JHY: variants seen among roughly 807,000 people sequenced by gnomAD.
JHY encodes junctional cadherin complex regulator.
JHY carries 69 observed loss-of-function variants against 78.0 expected under a neutral mutation model. The ratio of observed to expected loss-of-function variants is 0.88; its 90% confidence interval spans 0.73 to 1.08. JHY has a LOEUF of 1.08. Among genes scored for constraint, JHY ranks in the 50% least tolerant of loss-of-function variants. The pLI is 0.00. For missense variants in JHY, 944 were observed against 927.8 expected (o/e 1.02, Z -0.23); for synonymous variants, 368 against 342.6 (o/e 1.07, Z -0.82).
At chr11:122,949,307 C>T (rs975948999) in intron 6 of JHY, among the ~76,000 whole-genome samples, 21 of 151,896 alleles carry the variant, frequency 1.4e-4, no homozygotes, top group Admixed American at 4.6e-4. Flanking sequence ...TTGTGTAGGA[C>T]GGGGGGATCA....
intron 5 of JHY, among the ~76,000 whole-genome samples, chr11:122,944,125 A>G (rs192195129): frequency 1.6e-3 from 243 of 152,302 alleles, no homozygotes; most frequent in African/African-American, 5.7e-3. Flanking sequence ...TGAGCCCGTA[A>G]GTCAGAGGTT....
At chr11:122,915,419 C>G (rs1863214029) in intron 3 of JHY, among the ~76,000 whole-genome samples, 1 of 152,184 alleles carries the variant, frequency 6.6e-6, no homozygotes, top group African/African-American at 2.4e-5. Context: ...AGAAAAGGTG[C>G]CTGACTGTCC....
chr11:122,911,568 A>G (rs1421085596), intron 3 of JHY, among the ~76,000 whole-genome samples: 1 of 152,208 alleles, frequency 6.6e-6, no homozygotes, highest in Non-Finnish European at 1.5e-5. Context: ...AAATAATTTC[A>G]GATACTGATA....
At chr11:122,946,105 T>G (rs1317905142) in intron 5 of JHY, among the ~76,000 whole-genome samples, 1 of 152,218 alleles carries the variant, frequency 6.6e-6, no homozygotes. Context: ...AAAATCTGCT[T>G]TGGTTTTTAT....
chr11:122,903,635 C>T (rs1862909715), intron 2 of JHY, among the ~76,000 whole-genome samples: 2 of 152,046 alleles, frequency 1.3e-5, no homozygotes, highest in African/African-American at 4.8e-5. Flanking sequence ...CGACACCATA[C>T]CCAGCTAATT....
At chr11:122,943,624 T>C (rs984495283) in intron 5 of JHY, among the ~76,000 whole-genome samples, 2 of 152,328 alleles carry the variant, frequency 1.3e-5, no homozygotes, top group Non-Finnish European at 2.9e-5. Context: ...TTTGAACTTA[T>C]GTTATTAGGG....
At chr11:122,920,063 A>G (rs1345095306) in intron 3 of JHY, among the ~76,000 whole-genome samples, 1 of 152,198 alleles carries the variant, frequency 6.6e-6, no homozygotes, top group East Asian at 1.9e-4. Context: ...AATTTCTATC[A>G]TTGTGTCTCC....
At chr11:122,934,377 T>G (rs1366501229) in intron 4 of JHY, 43 bp from the exon 5 acceptor site, 4 of 1,110,134 alleles carry the variant, frequency 3.6e-6, no homozygotes, top group Non-Finnish European at 5.0e-6. Flanking sequence ...TTGTGAAGAG[T>G]GCCAGTCTTC....
intron 3 of JHY, among the ~76,000 whole-genome samples, chr11:122,912,738 CA>C (rs1333357701): frequency 6.6e-6 from 1 of 151,570 alleles, no homozygotes; most frequent in African/African-American, 2.4e-5. Context: ...GACTCTGTCC[CA>C]AAAAAAGAGA....
intron 6 of JHY, among the ~76,000 whole-genome samples, chr11:122,952,409 A>T (rs895741312): frequency 3.9e-5 from 6 of 152,174 alleles, no homozygotes; most frequent in Admixed American, 6.5e-5. Context: ...ACCTTAAGTA[A>T]ATCCAAGATT....
intron 8 of JHY, among the ~76,000 whole-genome samples, chr11:122,957,732 CAGG>C (rs1373888056): frequency 6.6e-6 from 1 of 150,802 alleles, no homozygotes; most frequent in Non-Finnish European, 1.5e-5. Flanking sequence ...TTTTGGAACG[CAGG>C]AGATGTTTTA....
intron 6 of JHY, among the ~76,000 whole-genome samples, chr11:122,952,153 G>C (rs563261108): frequency 2.0e-5 from 3 of 152,102 alleles, no homozygotes; most frequent in Non-Finnish European, 4.4e-5. Context: ...GGCGGAGGGG[G>C]CAAAGGGAGT....
At position 122,904,080 on chromosome 11, in the gene JHY, A is replaced by G. The variant is rs760489518; in HGVS notation, c.500A>G (p.Gln167Arg). 4.3e-5 allele frequency: 70 copies of G among 1,614,166 alleles called. No individual in the cohort carries two copies. The East Asian group carries it at 1.5e-3, about 35-fold the overall frequency. The change falls in exon 3 of 9, where the codon CAG (glutamine) becomes CGG (arginine). Residue 167 changes from glutamine (Q) to arginine (R), a missense_variant. Gln to Arg is a conservative substitution (Grantham distance 43). Coordinates refer to ENST00000227349, the MANE Select transcript of JHY (RefSeq NM_024806.4). ...CCTTTGGCTCCCCTCTACCCTTCCC[A>G]GGAGACGTCAATGGAACTCTCCGGG... is the stretch of plus-strand genomic sequence containing the variant. ...NLPLAPLYPS[Q>R]ETSMELSGGK...
At chr11:122,930,669 A>G (rs1265419095) in intron 4 of JHY, among the ~76,000 whole-genome samples, 3 of 152,174 alleles carry the variant, frequency 2.0e-5, no homozygotes, top group Non-Finnish European at 4.4e-5. Flanking sequence ...CATAGGCCTT[A>G]GCGTCCTGAA....
At chr11:122,911,704 G>A (rs1863128926) in intron 3 of JHY, among the ~76,000 whole-genome samples, 2 of 151,760 alleles carry the variant, frequency 1.3e-5, no homozygotes, top group South Asian at 2.1e-4. Flanking sequence ...TCAGAAGTTC[G>A]AGACCAGCCT....
At chr11:122,905,749 C>A (rs1862976673) in intron 3 of JHY, 3 of 224,218 alleles carry the variant, frequency 1.3e-5, no homozygotes, top group Non-Finnish European at 2.2e-5. Flanking sequence ...CACCTGTAAT[C>A]CCAGCTACTC....
chr11:122,900,824 C>T lies in JHY; in HGVS notation c.345-3101C>T, dbSNP rs143664459. 1.7e-3 allele frequency among the ~76,000 whole-genome samples: 260 copies of T among 152,190 alleles called. 1 individual carries two copies. Among genetic ancestry groups the T allele is most frequent in the African/African-American group, 5.8e-3 (242 of 41,536 alleles). ...TCTGTAGTACATTAGATACACGCTACAAAGACAAAATGAAGTGAAAAGCAA... is the reference window on the plus strand; with the variant it reads ...TCTGTAGTACATTAGATACACGCTATAAAGACAAAATGAAGTGAAAAGCAA... On this transcript the variant is annotated intron_variant, in intron 2 of 8. Coordinates refer to ENST00000227349, the MANE Select transcript of JHY (RefSeq NM_024806.4).
chr11:122,950,126 G>A (rs773393445), intron 6 of JHY, among the ~76,000 whole-genome samples: 2 of 152,072 alleles, frequency 1.3e-5, no homozygotes, highest in Non-Finnish European at 2.9e-5. Context: ...GAGCCACTGC[G>A]CCCAGCTACA....
chr11:122,939,100 G>A (rs1863817123), intron 5 of JHY, among the ~76,000 whole-genome samples: 1 of 151,070 alleles, frequency 6.6e-6, no homozygotes, highest in South Asian at 2.1e-4. Flanking sequence ...CGATTCTCCT[G>A]CCTCAGCCTC....
Sources: allele counts gnomAD v4.1 joint callset (sites outside exome capture counted in the v4.1 genomes callset), GRCh38; gene constraint gnomAD v4.1.1; transcripts MANE v1.5; gene names NCBI Gene and HGNC (gene_info 2026-07-23, HGNC 2026-07-21).